NACC1: variants seen among roughly 807,000 people sequenced by gnomAD.
NACC1 encodes the protein nucleus accumbens-associated protein 1.
A neutral mutation model predicts 41.7 loss-of-function variants in NACC1; 6 were observed. That is an observed-to-expected ratio of 0.14 (90% CI 0.08 to 0.28). The LOEUF (loss-of-function observed/expected upper bound fraction) is 0.28. Ranked by LOEUF, NACC1 falls within the 10% of genes least tolerant of loss-of-function variation. The pLI is 1.00. For synonymous variants in NACC1, 338 were observed against 330.6 expected (o/e 1.02, Z -0.24); for missense variants, 434 against 763.7 (o/e 0.57, Z 5.09).
At position 13,139,762 on chromosome 19, in the gene NACC1, T is replaced by G. The variant is rs1403568241; in HGVS notation, c.*1356T>G. On this transcript the variant is annotated 3_prime_UTR_variant, in exon 6 of 6. Transcript: ENST00000292431. ...TTTTCTCTTTTACCATTCCTCTCTT[T>G]TTGTTCTCGCCCAGAGTGGGTGGTT... The G allele has an allele frequency of 6.6e-6, 1 of 152,592 alleles. No individual in the cohort carries two copies. The highest frequency in any genetic ancestry group is 2.4e-5 in the African/African-American group (1 of 41,454). The allele number at this position is 152,592 out of a possible 1,614,324, so 9.5% of individuals were successfully genotyped here. A position where few individuals can be genotyped will look rare whatever the true frequency, so the allele number is the denominator to read the frequency against.
At chr19:13,121,246 C>T (rs1407120095) in intron 1 of NACC1, among the ~76,000 whole-genome samples, 1 of 152,130 alleles carries the variant, frequency 6.6e-6, no homozygotes, top group African/African-American at 2.4e-5. Flanking sequence ...CAGGGGACAG[C>T]ACATTCACAG....
intron 1 of NACC1, among the ~76,000 whole-genome samples, chr19:13,129,076 A>G (rs2019599165): frequency 6.6e-6 from 1 of 152,130 alleles, no homozygotes; most frequent in Non-Finnish European, 1.5e-5. Flanking sequence ...GGGGTGGGGC[A>G]GGAGAGGGAC....
At chr19:13,126,308 C>T (rs1315474085) in intron 1 of NACC1, among the ~76,000 whole-genome samples, 1 of 152,194 alleles carries the variant, frequency 6.6e-6, no homozygotes, top group Non-Finnish European at 1.5e-5. Flanking sequence ...TCCTCAGCCT[C>T]CCAAAGTGCT....
In NACC1 at chr19:13,138,435, C is replaced by T. The variant is rs985240531; in HGVS notation, c.*29C>T. The T allele has an allele frequency of 1.3e-6, 2 of 1,598,942 alleles. No individual in the cohort carries two copies. Among genetic ancestry groups the T allele is most frequent in the East Asian group, 2.2e-5 (1 of 44,748 alleles). On this transcript the variant is annotated 3_prime_UTR_variant, in exon 6 of 6. Coordinates refer to ENST00000292431, the MANE Select transcript of NACC1 (RefSeq NM_052876.4). This position sits in a 1 kb window ranked among gnomAD's most constrained non-coding sequence, Gnocchi z 5.7. ...GCCCAGCCTCCCGCGGGGCCACACA[C>T]TTCCCCTCCCAACACACACACACAC...
chr19:13,135,753 C>G lies in NACC1; in HGVS notation c.546C>G (p.Ala182=). The G allele has an allele frequency of 1.9e-6, 3 of 1,560,034 alleles. No individual in the cohort carries two copies. The highest frequency in any genetic ancestry group is 2.4e-5 in the South Asian group (2 of 85,066). ...ACTCCGTGCAGTGCATGCCCGTGGC[C>G]AAGCGGCTGTGGGACAGTGGCCAGA... is the stretch of plus-strand genomic sequence containing the variant. ...ESDSVQCMPV[A]KRLWDSGQKE... Residue 182 remains alanine (A), a synonymous_variant, in exon 2 of 6, where the codon GCC becomes GCG. Transcript: ENST00000292431.
At chr19:13,131,318 C>T (rs2019632086) in intron 1 of NACC1, among the ~76,000 whole-genome samples, 2 of 152,212 alleles carry the variant, frequency 1.3e-5, no homozygotes, top group South Asian at 2.1e-4. Context: ...TGGCTTTGTC[C>T]TCCTCCCTGG....
chr19:13,138,108 TG>T lies in NACC1; in HGVS notation c.1325-37del, dbSNP rs2019732436. On this transcript the variant is annotated intron_variant, in intron 5 of 5. Transcript: ENST00000292431. The surrounding 1 kb of genome is among the most constrained non-coding windows in gnomAD (Gnocchi z 5.7). ...GTGAGTAGGCCTTGTGGGAGTCACCTGGCCCCCGTGCCAAGGCCGCACCCAC... is the reference window on the plus strand; with the variant it reads ...GTGAGTAGGCCTTGTGGGAGTCACCTGCCCCCGTGCCAAGGCCGCACCCAC... 1 of 1,603,230 alleles carries T rather than the reference TG, an allele frequency of 6.2e-7. No homozygotes were observed. The highest frequency in any genetic ancestry group is 8.5e-7 in the Non-Finnish European group (1 of 1,173,202).
Position 13,139,192 on chromosome 19 carries a change from T to C in NACC1, c.*786T>C, listed in dbSNP as rs1265118477. 2 of 151,880 alleles carry C rather than the reference T, an allele frequency of 1.3e-5. No individual in the cohort carries two copies. The highest frequency in any genetic ancestry group is 3.9e-4 in the East Asian group (2 of 5,128). The allele number at this position is 151,880 out of a possible 1,614,324, so 9.4% of individuals were successfully genotyped here. Reference sequence around the variant, plus strand: ...GCGTGTGTGTGTGCAGAAGTTTTGCTTTCAAACAAATGAAGATACAAGAGG... The same window carrying C: ...GCGTGTGTGTGTGCAGAAGTTTTGCCTTCAAACAAATGAAGATACAAGAGG... On this transcript the variant is annotated 3_prime_UTR_variant, in exon 6 of 6. Coordinates refer to ENST00000292431, the MANE Select transcript of NACC1 (RefSeq NM_052876.4).
rs2019766438 is a variant in NACC1 at position 13,140,015 on chromosome 19, C to G, written c.*1609C>G. ...TTAGGAGATGGGGTGGGGGCCAGCCCCTACTGGACCCTTGTAATCTGATTT... is the reference window on the plus strand; with the variant it reads ...TTAGGAGATGGGGTGGGGGCCAGCCGCTACTGGACCCTTGTAATCTGATTT... On this transcript the variant is annotated 3_prime_UTR_variant, in exon 6 of 6. Transcript: ENST00000292431. The surrounding 1 kb of genome is among the most constrained non-coding windows in gnomAD (Gnocchi z 4.0). 6.6e-6 allele frequency: 1 copy of G among 152,284 alleles called. No individual in the cohort carries two copies. Among genetic ancestry groups the G allele is most frequent in the East Asian group, 1.9e-4 (1 of 5,156 alleles). 9.4% of individuals were successfully genotyped at this position (152,284 alleles called of 1,614,324 possible).
Position 13,135,939 on chromosome 19 carries a change from TG to T in NACC1, c.736del (p.Val246TrpfsTer8). On this transcript the variant is annotated frameshift_variant, in exon 2 of 6. Coordinates refer to ENST00000292431, the MANE Select transcript of NACC1 (RefSeq NM_052876.4). LOFTEE classifies it high-confidence loss of function. ...VAAGAGQPAG[G>X]VAAAGGVVSG... Reference sequence around the variant, plus strand: ...CTGCGGGAGCAGGGCAGCCAGCCGGTGGGGTGGCAGCAGCAGGGGGTGTGGT... The same window carrying T: ...CTGCGGGAGCAGGGCAGCCAGCCGGTGGGTGGCAGCAGCAGGGGGTGTGGT... 6.3e-7 allele frequency: 1 copy of T among 1,590,634 alleles called. No individual in the cohort carries two copies.
rs375331902 is a variant in NACC1 at position 13,137,431 on chromosome 19, C to A, written c.1227-47C>A. 9.9e-5 allele frequency: 159 copies of A among 1,611,430 alleles called. No individual in the cohort carries two copies. The highest frequency in any genetic ancestry group is 1.2e-4 in the Non-Finnish European group (145 of 1,178,620). On this transcript the variant is annotated intron_variant, in intron 4 of 5. Coordinates refer to ENST00000292431, the MANE Select transcript of NACC1 (RefSeq NM_052876.4). The surrounding 1 kb of genome is among the most constrained non-coding windows in gnomAD (Gnocchi z 6.1). The stretch of plus-strand genomic sequence containing the variant: ...GGGGTGGGGTTTCCCCATGTCCCCC[C>A]CACCACCAACTTGAGCGCTGACTCC...
Position 13,127,400 on chromosome 19 carries a change from T to TTTTTTTTTC in NACC1, c.-8-7800_-8-7799insTTTTTTTTC, listed in dbSNP as rs1245933408. Among the ~76,000 whole-genome samples, 36 of 100,866 alleles carry TTTTTTTTTC rather than the reference T, an allele frequency of 3.6e-4. 4 individuals are homozygous for TTTTTTTTTC. Among genetic ancestry groups the TTTTTTTTTC allele is most frequent in the African/African-American group, 1.4e-3 (35 of 25,592 alleles). The allele number at this position is 100,866 out of a possible 152,430, so 66.2% of individuals were successfully genotyped here. On this transcript the variant is annotated intron_variant, in intron 1 of 5. Transcript: ENST00000292431. ...TTTTTTTTTTTTTTTTTTTTTTTTT[T>TTTTTTTTTC]CGGTTAACTGGATGGGCCGGGTGCC...
In NACC1 at chr19:13,140,408, C is replaced by T. The variant is rs1378180926; in HGVS notation, c.*2002C>T. On this transcript the variant is annotated 3_prime_UTR_variant, in exon 6 of 6. Transcript: ENST00000292431. This position sits in a 1 kb window ranked among gnomAD's most constrained non-coding sequence, Gnocchi z 4.0. ...CTGAAAGGAAGGTGCTCCCCCACTT[C>T]CAGGCCTTAGTTGGGGTGGGGGGGC... 1 of 152,500 alleles carries T rather than the reference C, an allele frequency of 6.6e-6. No homozygotes were observed. The highest frequency in any genetic ancestry group is 2.4e-5 in the African/African-American group (1 of 41,374). 9.4% of individuals were successfully genotyped at this position (152,500 alleles called of 1,614,324 possible). A position where few individuals can be genotyped will look rare whatever the true frequency, so the allele number is the denominator to read the frequency against.
rs2019715712 is a variant in NACC1 at position 13,136,956 on chromosome 19, C to G, written c.1121-315C>G. On this transcript the variant is annotated intron_variant, in intron 3 of 5. Coordinates refer to ENST00000292431, the MANE Select transcript of NACC1 (RefSeq NM_052876.4). The surrounding 1 kb of genome is among the most constrained non-coding windows in gnomAD (Gnocchi z 5.5). ...GGTCCTGCTGAGCTTGGGCTCATCT[C>G]TAGCTGGTGACAGCCAGCGTGCCCA... Among the ~76,000 whole-genome samples the G allele has an allele frequency of 6.6e-6, 1 of 152,206 alleles. No homozygotes were observed. The highest frequency in any genetic ancestry group is 2.4e-5 in the African/African-American group (1 of 41,442).
In NACC1 at chr19:13,119,594, A is replaced by G. The variant is rs369372844; in HGVS notation, c.-9+1140A>G. On this transcript the variant is annotated intron_variant, in intron 1 of 5. Transcript: ENST00000292431. ...AGCAACCATCGTATATATTAGTACC[A>G]TGGCCTCCCAGGCACCAACTCCTTG... Among the ~76,000 whole-genome samples the G allele has an allele frequency of 1.6e-4, 24 of 152,268 alleles. No homozygotes were observed. The East Asian group carries it at 3.9e-3, about 24-fold the overall frequency.
chr19:13,137,451 G>A lies in NACC1; in HGVS notation c.1227-27G>A, dbSNP rs557681256. On this transcript the variant is annotated intron_variant, in intron 4 of 5. Coordinates refer to ENST00000292431, the MANE Select transcript of NACC1 (RefSeq NM_052876.4). This position sits in a 1 kb window ranked among gnomAD's most constrained non-coding sequence, Gnocchi z 6.1. ...CCCCCCCACCACCAACTTGAGCGCT[G>A]ACTCCCTCCATGTCCCCTGCCCCCA... The A allele has an allele frequency of 3.1e-6, 5 of 1,610,204 alleles. No individual in the cohort carries two copies. Among genetic ancestry groups the A allele is most frequent in the Non-Finnish European group, 4.2e-6 (5 of 1,178,450 alleles).
chr19:13,135,627 G>T lies in NACC1; in HGVS notation c.420G>T (p.Ser140=). The T allele has an allele frequency of 3.2e-6, 5 of 1,575,048 alleles. No individual in the cohort carries two copies. The highest frequency in any genetic ancestry group is 4.3e-6 in the Non-Finnish European group (5 of 1,163,756). The stretch of plus-strand genomic sequence containing the variant: ...GCCTGCATGCGGAGGAGGCCCCATC[G>T]TCGGAGCCCCAGAGCCCCGTGGCGC... The part of the protein sequence containing the change: ...SQGLHAEEAP[S]SEPQSPVAQT... The change falls in exon 2 of 6, where the codon TCG becomes TCT. Residue 140 remains serine, a synonymous_variant. Transcript: ENST00000292431.
At position 13,137,712 on chromosome 19, in the gene NACC1, A is replaced by G. The variant is rs747195429; in HGVS notation, c.1324+137A>G. 3.9e-5 allele frequency: 29 copies of G among 741,782 alleles called. No individual in the cohort carries two copies. Among genetic ancestry groups the G allele is most frequent in the Non-Finnish European group, 6.0e-5 (28 of 464,730 alleles). The allele number at this position is 741,782 out of a possible 1,614,324, so 46.0% of individuals were successfully genotyped here. A position where few individuals can be genotyped will look rare whatever the true frequency, so the allele number is the denominator to read the frequency against. ...GGGCTCATTCTAGCCTTGCTGGGAA[A>G]CCGGCTGTGATTGCTTAGAGATTTC... On this transcript the variant is annotated intron_variant, in intron 5 of 5. Transcript: ENST00000292431. The surrounding 1 kb of genome is among the most constrained non-coding windows in gnomAD (Gnocchi z 6.1).
At position 13,139,338 on chromosome 19, in the gene NACC1, T is replaced by C. The variant is rs2019753106; in HGVS notation, c.*932T>C. ...CTGGCCCCCACCCCCCTGTACATAA[T>C]TTTTAAAACCTTTTTTTAGCGAATG... On this transcript the variant is annotated 3_prime_UTR_variant, in exon 6 of 6. Coordinates refer to ENST00000292431, the MANE Select transcript of NACC1 (RefSeq NM_052876.4). 1 of 150,130 alleles carries C rather than the reference T, an allele frequency of 6.7e-6. No homozygotes were observed. The highest frequency in any genetic ancestry group is 2.4e-5 in the African/African-American group (1 of 41,064). The allele number at this position is 150,130 out of a possible 1,614,324, so 9.3% of individuals were successfully genotyped here. A position where few individuals can be genotyped will look rare whatever the true frequency, so the allele number is the denominator to read the frequency against.
Sources: gnomAD v4.1 joint callset for allele counts (sites outside exome capture counted in the v4.1 genomes callset) on GRCh38, gnomAD v4.1.1 for gene constraint, Gnocchi (gnomAD v3.1) non-coding constraint, MANE v1.5 for transcripts, NCBI Gene and HGNC (gene_info 2026-07-23, HGNC 2026-07-21) for gene names.